The following KCNB2 variants were observed in gnomAD, a reference collection of about 807,000 sequenced individuals.
The protein encoded by KCNB2 is delayed rectifier potassium channel protein.
Under a neutral mutation model 61.5 loss-of-function variants are expected in KCNB2, and 15 were observed. The observed-to-expected ratio is 0.24, with a 90% CI of 0.16 to 0.38. The LOEUF (loss-of-function observed/expected upper bound fraction) is 0.38, where lower values mean the gene tolerates loss of function less well. Ranked by LOEUF, KCNB2 falls within the 10% of genes least tolerant of loss-of-function variation. KCNB2 has a pLI of 1.00. For synonymous variants in KCNB2, 457 were observed against 446.0 expected, an observed-to-expected ratio of 1.02 and a Z score of -0.31; for missense variants, 828 against 1,125.2, an observed-to-expected ratio of 0.74 and a Z score of 3.78.
At chr8:72,543,930 A>G (rs1185646637) in intron 1 of KCNB2, among the ~76,000 whole-genome samples, 1 of 152,232 alleles carries the variant, frequency 6.6e-6, no homozygotes, top group Non-Finnish European at 1.5e-5. Context: ...TGTTTTTAGT[A>G]TGAAGGTAAG....
intron 2 of KCNB2, among the ~76,000 whole-genome samples, chr8:72,711,914 C>T (rs1024024400): frequency 2.6e-5 from 4 of 152,196 alleles, no homozygotes; most frequent in African/African-American, 9.6e-5. Flanking sequence ...ATCTCTCAAA[C>T]TTGAGAGGCA....
chr8:72,727,212 A>T (rs1208299253), intron 2 of KCNB2, among the ~76,000 whole-genome samples: 1 of 152,176 alleles, frequency 6.6e-6, no homozygotes. Flanking sequence ...GCTTTTTTAT[A>T]CGTCCCCCCC....
At chr8:72,599,136 G>A (rs909017603) in intron 2 of KCNB2, among the ~76,000 whole-genome samples, 11 of 151,958 alleles carry the variant, frequency 7.2e-5, no homozygotes, top group South Asian at 2.1e-4. Context: ...AGCCCGCATC[G>A]CCAAGTCAAT....
intron 2 of KCNB2, among the ~76,000 whole-genome samples, chr8:72,673,967 G>A (rs752850214): frequency 5.3e-5 from 8 of 152,198 alleles, no homozygotes; most frequent in East Asian, 1.9e-4. Context: ...ATATTTTACC[G>A]TAATTTAAAA....
chr8:72,795,837 A>C (rs1809023229), intron 2 of KCNB2, among the ~76,000 whole-genome samples: 1 of 152,218 alleles, frequency 6.6e-6, no homozygotes, highest in South Asian at 2.1e-4. Context: ...GTTATTCTTC[A>C]TACAGCACGC....
At chr8:72,566,388 A>G (rs1052325376) in intron 1 of KCNB2, among the ~76,000 whole-genome samples, 2 of 152,186 alleles carry the variant, frequency 1.3e-5, no homozygotes, top group Non-Finnish European at 2.9e-5. Flanking sequence ...TTGGGATCCA[A>G]TTTAAGGCTG....
At chr8:72,649,408 A>G (rs1218707695) in intron 2 of KCNB2, among the ~76,000 whole-genome samples, 3 of 152,154 alleles carry the variant, frequency 2.0e-5, no homozygotes, top group Non-Finnish European at 4.4e-5. Flanking sequence ...GTATTCAAGG[A>G]TATAAAAATG....
chr8:72,578,216 A>G (rs1252496340), intron 2 of KCNB2, among the ~76,000 whole-genome samples: 3 of 152,250 alleles, frequency 2.0e-5, no homozygotes, highest in African/African-American at 4.8e-5. Flanking sequence ...CAGAGGCCCT[A>G]CATAATATCC....
chr8:72,909,298 A>G (rs1190491844), intron 2 of KCNB2, among the ~76,000 whole-genome samples: 1 of 152,182 alleles, frequency 6.6e-6, no homozygotes, highest in Non-Finnish European at 1.5e-5. Flanking sequence ...GAGTTAATCA[A>G]GGGAGAAGGG....
At chr8:72,764,135 C>G (rs1808426687) in intron 2 of KCNB2, among the ~76,000 whole-genome samples, 1 of 152,020 alleles carries the variant, frequency 6.6e-6, no homozygotes, top group South Asian at 2.1e-4. Flanking sequence ...AGCTAGATGC[C>G]AATGACCTTA....
chr8:72,847,817 C>T (rs1459537890), intron 2 of KCNB2, among the ~76,000 whole-genome samples: 1 of 152,172 alleles, frequency 6.6e-6, no homozygotes, highest in Non-Finnish European at 1.5e-5. Flanking sequence ...GGTTGAGAGA[C>T]TCACTAGATG....
intron 2 of KCNB2, among the ~76,000 whole-genome samples, chr8:72,902,780 CTT>C (rs1331154725): frequency 6.6e-6 from 1 of 152,090 alleles, no homozygotes; most frequent in African/African-American, 2.4e-5. Context: ...GTATTACTGA[CTT>C]GTTCTGTGAT....
intron 2 of KCNB2, among the ~76,000 whole-genome samples, chr8:72,701,801 C>T (rs539327702): frequency 2.8e-4 from 42 of 152,064 alleles, no homozygotes; most frequent in African/African-American, 9.6e-4. Flanking sequence ...ATGCAACACA[C>T]ATAAAAGGAA....
chr8:72,761,941 G>A (rs961745204), intron 2 of KCNB2, among the ~76,000 whole-genome samples: 8 of 152,090 alleles, frequency 5.3e-5, no homozygotes, highest in Non-Finnish European at 7.4e-5. Context: ...CTATAGTATA[G>A]TATAGAGTCT....
intron 2 of KCNB2, among the ~76,000 whole-genome samples, chr8:72,845,936 CAG>C (rs1471662109): frequency 6.6e-6 from 1 of 151,426 alleles, no homozygotes; most frequent in Non-Finnish European, 1.5e-5. Flanking sequence ...GCCACCTTTC[CAG>C]AGGAGTGAAC....
rs1472503301 is a variant in KCNB2, at chr8:72,854,626, G to A, written c.580-81309G>A. On this transcript the variant is annotated intron_variant, in intron 2 of 2. Transcript: ENST00000523207. ...GACTTTAATCAAAGAATGAGCAAAT[G>A]TAGCTAACTTGTGCTAGGTGCTATA... Among the ~76,000 whole-genome samples the A allele has an allele frequency of 2.6e-5, 4 of 152,142 alleles. No individual in the cohort carries two copies. In the East Asian group the frequency reaches 7.7e-4, roughly 29 times the overall value.
At chr8:72,637,593 G>A (rs1386539574) in intron 2 of KCNB2, among the ~76,000 whole-genome samples, 1 of 152,044 alleles carries the variant, frequency 6.6e-6, no homozygotes, top group Non-Finnish European at 1.5e-5. Flanking sequence ...GCGAAGATAC[G>A]CCCCACCGTC....
At chr8:72,726,734 A>C (rs189919902) in intron 2 of KCNB2, among the ~76,000 whole-genome samples, 1 of 152,244 alleles carries the variant, frequency 6.6e-6, no homozygotes, top group East Asian at 1.9e-4. Context: ...AATATTTTTT[A>C]CTTTTGTAAT....
intron 2 of KCNB2, among the ~76,000 whole-genome samples, chr8:72,776,168 G>A (rs1242034361): frequency 4.0e-5 from 6 of 149,076 alleles, no homozygotes; most frequent in East Asian, 2.0e-4. Context: ...ACCAAACACC[G>A]CATGTTCTCA....
Sources: allele counts gnomAD v4.1 joint callset (sites outside exome capture counted in the v4.1 genomes callset), GRCh38; gene constraint gnomAD v4.1.1; transcripts MANE v1.5; gene names NCBI Gene and HGNC (gene_info 2026-07-23, HGNC 2026-07-21).